FBXL2: variants seen among roughly 807,000 people sequenced by gnomAD.
FBXL2 encodes F-box and leucine rich repeat protein 2, also known as F-box/LRR-repeat protein 2.
Under a neutral mutation model 69.2 loss-of-function variants are expected in FBXL2, and 38 were observed. The ratio of observed to expected loss-of-function variants is 0.55; its 90% CI spans 0.42 to 0.72. The LOEUF (loss-of-function observed/expected upper bound fraction) is 0.72, where lower values mean the gene tolerates loss of function less well. Among genes scored for constraint, FBXL2 ranks in the 30% least tolerant of loss-of-function variants. The pLI is 0.00. For missense variants in FBXL2, 354 were observed against 520.3 expected (o/e 0.68, Z 3.11); for synonymous variants, 192 against 201.3 (o/e 0.95, Z 0.39).
chr3:33,285,659 G>T (rs184744079), intron 1 of FBXL2, among the ~76,000 whole-genome samples: 1 of 152,094 alleles, frequency 6.6e-6, no homozygotes, highest in African/African-American at 2.4e-5. Context: ...CCCATTCTCC[G>T]CATCACTTTC....
At chr3:33,404,934 C>A (rs2044376917), downstream of FBXL2, among the ~76,000 whole-genome samples, 1 of 152,112 alleles carries the variant, frequency 6.6e-6, no homozygotes, top group African/African-American at 2.4e-5. Flanking sequence ...ATTCAAGATG[C>A]ATTTCCAATA....
chr3:33,295,690 A>C (rs184715798), intron 1 of FBXL2, among the ~76,000 whole-genome samples: 1 of 152,374 alleles, frequency 6.6e-6, no homozygotes, highest in Non-Finnish European at 1.5e-5. Flanking sequence ...ATGCCATTTT[A>C]CATTCCCACC....
chr3:33,369,668 A>C (rs931677481), intron 5 of FBXL2, among the ~76,000 whole-genome samples: 13 of 152,280 alleles, frequency 8.5e-5, no homozygotes, highest in Admixed American at 7.8e-4. Context: ...GCTGGAGTGC[A>C]GTACCATGGT....
intron 2 of FBXL2, among the ~76,000 whole-genome samples, chr3:33,356,075 G>A (rs1189010275): frequency 6.6e-6 from 1 of 152,154 alleles, no homozygotes; most frequent in Admixed American, 6.5e-5. Flanking sequence ...TGAGAAATGT[G>A]AATTCCTGTT....
chr3:33,364,982 G>T lies in FBXL2; in HGVS notation c.290+263G>T, dbSNP rs553379021. On this transcript the variant is annotated intron_variant, in intron 5 of 14. Transcript: ENST00000484457. ...CTTCTGCAAAGTCAGGGCAGCTATA[G>T]CTCCCACAGGACTGTCATAGGCATA... 3.3e-5 allele frequency among the ~76,000 whole-genome samples: 5 copies of T among 152,232 alleles called. 1 individual carries two copies. Among genetic ancestry groups the T allele is most frequent in the African/African-American group, 1.2e-4 (5 of 41,524 alleles).
intron 2 of FBXL2, among the ~76,000 whole-genome samples, chr3:33,322,128 A>G (rs1284666062): frequency 8.7e-6 from 1 of 115,272 alleles, no homozygotes; most frequent in Non-Finnish European, 1.6e-5. Context: ...CCTAGACTGG[A>G]GTGCAGTGGC....
intron 1 of FBXL2, among the ~76,000 whole-genome samples, chr3:33,293,417 G>A (rs1365922017): frequency 6.6e-6 from 1 of 152,178 alleles, no homozygotes; most frequent in Non-Finnish European, 1.5e-5. Context: ...TAAATGACAT[G>A]CCCAAGGTTT....
At chr3:33,413,329 G>A in the FBXL2 span, among the ~76,000 whole-genome samples, 5 of 125,686 alleles carry the variant, frequency 4.0e-5, no homozygotes, top group East Asian at 3.2e-4. Flanking sequence ...GGAGGATCAC[G>A]AGGTCAGGGA....
chr3:33,349,095 A>T (rs1559584892), intron 2 of FBXL2, among the ~76,000 whole-genome samples: 1 of 152,124 alleles, frequency 6.6e-6, no homozygotes, highest in Admixed American at 6.5e-5. Context: ...TCCAATTTGG[A>T]TGCCCTTTAT....
chr3:33,355,415 A>T (rs986880291), intron 2 of FBXL2, among the ~76,000 whole-genome samples: 2 of 152,226 alleles, frequency 1.3e-5, no homozygotes, highest in Non-Finnish European at 2.9e-5. Flanking sequence ...AATTATTCCC[A>T]AATTTTCTAC....
chr3:33,376,176 A>C (rs1447553163), intron 10 of FBXL2, among the ~76,000 whole-genome samples: 7 of 152,122 alleles, frequency 4.6e-5, no homozygotes, highest in Middle Eastern at 3.2e-3. Flanking sequence ...AACAAAAAAA[A>C]CAATAATTTG....
At chr3:33,396,727 A>G in intron 12 of FBXL2, 1 of 543,998 alleles carries the variant, frequency 1.8e-6, no homozygotes, top group Non-Finnish European at 3.5e-6. Flanking sequence ...TGAAAACCAT[A>G]GATTCTGTAT....
intron 1 of FBXL2, among the ~76,000 whole-genome samples, chr3:33,295,780 G>A (rs917897585): frequency 6.6e-6 from 1 of 152,028 alleles, no homozygotes; most frequent in African/African-American, 2.4e-5. Context: ...CAATCCTATG[G>A]GTATGATGCA....
intron 2 of FBXL2, among the ~76,000 whole-genome samples, chr3:33,334,278 C>T (rs2039390997): frequency 6.6e-6 from 1 of 151,940 alleles, no homozygotes; most frequent in Admixed American, 6.6e-5. Flanking sequence ...ACATCTGTGA[C>T]AAATATGTTA....
At chr3:33,340,531 A>G (rs185548791) in intron 2 of FBXL2, among the ~76,000 whole-genome samples, 11 of 150,788 alleles carry the variant, frequency 7.3e-5, no homozygotes, top group Admixed American at 5.3e-4. Context: ...GTACTCAGGA[A>G]CCAACATGAA....
chr3:33,401,101 A>G (rs975089519), intron 12 of FBXL2: 26 of 1,293,642 alleles, frequency 2.0e-5, no homozygotes, highest in Non-Finnish European at 2.7e-5. Context: ...GTTGCATTGT[A>G]ACTATGCAAA....
chr3:33,355,208 G>A (rs1209351539), intron 2 of FBXL2, among the ~76,000 whole-genome samples: 2 of 152,236 alleles, frequency 1.3e-5, no homozygotes, highest in Non-Finnish European at 2.9e-5. Flanking sequence ...GGGATTATAG[G>A]CATGAGCCAC....
At chr3:33,303,039 T>A (rs561128576) in intron 2 of FBXL2, 1 of 456,664 alleles carries the variant, frequency 2.2e-6, no homozygotes, top group African/African-American at 2.0e-5. Context: ...ATGGGTCTCA[T>A]TGAGTAGGTC....
chr3:33,377,212 A>G (rs1019822629), intron 10 of FBXL2, 61 bp from the exon 11 acceptor site: 2 of 1,466,680 alleles, frequency 1.4e-6, no homozygotes, highest in Non-Finnish European at 9.6e-7. Flanking sequence ...ATCATAAAAT[A>G]TGTGTTTCCA....
Sources: allele counts gnomAD v4.1 joint callset (sites outside exome capture counted in the v4.1 genomes callset), GRCh38; gene constraint gnomAD v4.1.1; transcripts MANE v1.5; gene names NCBI Gene and HGNC (gene_info 2026-07-23, HGNC 2026-07-21).